The following MYH6 variants were observed in gnomAD, a reference collection of about 807,000 sequenced individuals.
The protein encoded by MYH6 is myosin heavy chain 6, also known as myosin-6.
A neutral mutation model predicts 223.2 loss-of-function variants in MYH6; 126 were observed. The observed-to-expected ratio is 0.56, with a 90% CI of 0.49 to 0.65. The LOEUF is 0.65. Ranked by LOEUF, MYH6 falls within the 30% of genes least tolerant of loss-of-function variation. The pLI is 0.00. For synonymous variants in MYH6, 978 were observed against 1,010.2 expected (o/e 0.97, Z 0.61); for missense variants, 2,040 against 2,536.4 (o/e 0.80, Z 4.20).
chr14:23,387,469 G>A, intron 32 of MYH6, 60 bp downstream of exon 32: 2 of 1,607,168 alleles, frequency 1.2e-6, no homozygotes, highest in Non-Finnish European at 1.7e-6. Flanking sequence ...CCCCAGGTGA[G>A]GGAGAAGTGG....
At chr14:23,396,639 C>T (rs960638969) in intron 19 of MYH6, 55 bp downstream of exon 19, 9 of 1,613,760 alleles carry the variant, frequency 5.6e-6, no homozygotes, top group Admixed American at 1.7e-5. Flanking sequence ...CTCCTCTCTG[C>T]TCCACTCAAC....
chr14:23,405,892 A>G lies in MYH6; in HGVS notation c.202-122T>C, dbSNP rs555829471. On this transcript the variant is annotated intron_variant, in intron 3 of 38. Transcript: ENST00000405093. The surrounding 1 kb of genome is among the most constrained non-coding windows in gnomAD (Gnocchi z 4.7). The stretch of plus-strand genomic sequence containing the variant: ...TGGCCTTGCTCCCCTTGCTCTGACC[A>G]GTGCCCCGGCCCCTACCCCGATGTC... 594 of 1,267,644 alleles carry G rather than the reference A, an allele frequency of 4.7e-4. No individual in the cohort carries two copies. The highest frequency in any genetic ancestry group is 6.5e-4 in the Non-Finnish European group (566 of 876,316). 78.5% of individuals were successfully genotyped at this position (1,267,644 alleles called of 1,614,324 possible). A position where few individuals can be genotyped will look rare whatever the true frequency, so the allele number is the denominator to read the frequency against.
chr14:23,390,180 G>A lies in MYH6; in HGVS notation c.3609C>T (p.Ala1203=), dbSNP rs149369904. The part of the protein sequence containing the change: ...ALRKKHADSV[A]ELGEQIDNLQ... ...GGTTGTCGATCTGCTCGCCCAGCTC[G>A]GCCACGCTGTCGGCGTGCTTCTTGC... The change falls in exon 26 of 39, where the codon GCC becomes GCT. Residue 1203 remains alanine (A), a synonymous_variant. Transcript: ENST00000405093. The A allele has an allele frequency of 1.2e-5, 20 of 1,607,426 alleles. No individual in the cohort carries two copies. The highest frequency in any genetic ancestry group is 1.0e-4 in the Admixed American group (6 of 59,868).
intron 20 of MYH6, 147 bp from the exon 21 acceptor site, chr14:23,394,470 G>GATTA: frequency 9.0e-7 from 1 of 1,114,332 alleles, no homozygotes; most frequent in Non-Finnish European, 1.3e-6. Flanking sequence ...GGAGTTGCTT[G>GATTA]ATAAATATTT....
chr14:23,393,472 G>C lies in MYH6; in HGVS notation c.2975C>G (p.Ala992Gly). 4.3e-6 allele frequency: 7 copies of C among 1,614,146 alleles called. No homozygotes were observed. The highest frequency in any genetic ancestry group is 5.9e-6 in the Non-Finnish European group (7 of 1,180,032). ...EEMAGLDEIIAKLTKEKKALQ... is the reference protein window; with the variant it reads ...EEMAGLDEIIGKLTKEKKALQ... ...AGCTTTCTTCTCCTTGGTCAGCTTA[G>C]CGATGATTTCATCCAGCCCAGCCAT... is the stretch of plus-strand genomic sequence containing the variant. Residue 992 changes from alanine (A) to glycine (G), a missense_variant, in exon 23 of 39, where the codon GCT (alanine) becomes GGT (glycine). Ala to Gly is a moderately conservative substitution (Grantham distance 60). Transcript: ENST00000405093.
chr14:23,403,125 G>T (rs1172535500), intron 10 of MYH6, among the ~76,000 whole-genome samples: 1 of 151,972 alleles, frequency 6.6e-6, no homozygotes, highest in Admixed American at 6.5e-5. Context: ...TGGAGAGAAG[G>T]GTGGAGAAGG....
rs2138612268 is a variant in MYH6 at position 23,400,739 on chromosome 14, G to A, written c.1380C>T (p.Val460=). ...TKQPRQYFIG[V]LDIAGFEIFD... is the part of the protein sequence containing the mutation. ...AGATCTCGAAGCCAGCGATGTCCAG[G>A]ACTCCTATGAAGTACTGGCGTGGCT... Residue 460 remains valine (V), a synonymous_variant, in exon 13 of 39, where the codon GTC becomes GTT. Transcript: ENST00000405093. 2 of 1,614,256 alleles carry A rather than the reference G, an allele frequency of 1.2e-6. No individual in the cohort carries two copies. The highest frequency in any genetic ancestry group is 1.1e-5 in the South Asian group (1 of 91,086).
Position 23,405,424 on chromosome 14 carries a change from C to G in MYH6, c.346-45G>C, listed in dbSNP as rs1231294920. ...TGGGCATGAGGTTGGTGGGGAGAGCCTGGGACAGGCAGTGGTGGCAGCCAG... is the reference window on the plus strand; with the variant it reads ...TGGGCATGAGGTTGGTGGGGAGAGCGTGGGACAGGCAGTGGTGGCAGCCAG... On this transcript the variant is annotated intron_variant, in intron 4 of 38. Transcript: ENST00000405093. This position sits in a 1 kb window ranked among gnomAD's most constrained non-coding sequence, Gnocchi z 4.7. 6.2e-7 allele frequency: 1 copy of G among 1,613,730 alleles called. No individual in the cohort carries two copies. Among genetic ancestry groups the G allele is most frequent in the Non-Finnish European group, 8.5e-7 (1 of 1,179,698 alleles).
At chr14:23,397,967 C>CTAT (rs1566512588) in intron 15 of MYH6, among the ~76,000 whole-genome samples, 3 of 118,518 alleles carry the variant, frequency 2.5e-5, no homozygotes, top group Non-Finnish European at 5.4e-5. Flanking sequence ...TCTTCTTCTT[C>CTAT]TTCTTCTTCT....
intron 14 of MYH6, 147 bp downstream of exon 14, chr14:23,400,109 C>A (rs1006187111): frequency 2.4e-6 from 3 of 1,236,786 alleles, no homozygotes; most frequent in Non-Finnish European, 3.5e-6. Context: ...CCTGTTCATG[C>A]CCATGACTTC....
intron 34 of MYH6, 110 bp from the exon 35 acceptor site, chr14:23,385,151 A>C: frequency 4.4e-6 from 6 of 1,376,478 alleles, no homozygotes; most frequent in Non-Finnish European, 6.1e-6. Context: ...TTAAAACAAC[A>C]AGCCCACTTT....
rs1450088688 is a variant in MYH6, at chr14:23,405,583, CCACGCAGCACAGGAA to C, written c.345+29_345+43del. ...GAGCCCCCCTGGCTTATTTAGGCCTCCACGCAGCACAGGAAGCCTCTGCAGTGTGCAGGAGCCACT... is the reference window on the plus strand; with the variant it reads ...GAGCCCCCCTGGCTTATTTAGGCCTCGCCTCTGCAGTGTGCAGGAGCCACT... On this transcript the variant is annotated intron_variant, in intron 4 of 38. Transcript: ENST00000405093. This position sits in a 1 kb window ranked among gnomAD's most constrained non-coding sequence, Gnocchi z 4.7. 6.2e-7 allele frequency: 1 copy of C among 1,613,746 alleles called. No homozygotes were observed. The highest frequency in any genetic ancestry group is 2.2e-5 in the East Asian group (1 of 44,858).
rs775500798 is a variant in MYH6, at chr14:23,404,770, A to G, written c.583T>C (p.Phe195Leu). ...TVNTKRVIQY[F>L]ASIAAIGDRG... is the part of the protein sequence containing the mutation. ...TCACCTATGGCTGCAATGCTGGCAA[A>G]GTACTGGATGACACGCTTGGTGTTC... The change falls in exon 7 of 39, where the codon TTT becomes CTT. Residue 195 changes from phenylalanine (F) to leucine (L), a missense_variant. By Grantham distance (22) the Phe-to-Leu change is conservative. This residue lies in a region of MYH6 where 649 missense variants were observed against 877.3 expected (regional missense o/e 0.74). Transcript: ENST00000405093. 1 of 1,614,130 alleles carries G rather than the reference A, an allele frequency of 6.2e-7. No homozygotes were observed. The highest frequency in any genetic ancestry group is 1.7e-5 in the Admixed American group (1 of 60,024).
intron 15 of MYH6, among the ~76,000 whole-genome samples, chr14:23,397,955 C>CTTT (rs1891465897): frequency 4.1e-5 from 4 of 96,890 alleles, no homozygotes; most frequent in Admixed American, 1.1e-4. Context: ...TCTTCTTCTT[C>CTTT]TTCTTCTTCT....
chr14:23,397,932 C>CTCTCCTTCTTCTTCTTCTTCTTTT (rs1891452433), intron 15 of MYH6, among the ~76,000 whole-genome samples: 2 of 90,142 alleles, frequency 2.2e-5, no homozygotes, highest in Non-Finnish European at 4.6e-5. Context: ...CCTCCTCCTC[C>CTCTCCTTCTTCTTCTTCTTCTTTT]TCTTCTTCTT....
chr14:23,382,547 T>C lies in MYH6; in HGVS notation c.5677A>G (p.Thr1893Ala), dbSNP rs1186462290. 2 of 1,614,172 alleles carry C rather than the reference T, an allele frequency of 1.2e-6. No individual in the cohort carries two copies. Among genetic ancestry groups the C allele is most frequent in the Admixed American group, 3.3e-5 (2 of 60,016 alleles). ...QAEEAEEQAN[T>A]NLSKFRKVQH... ...ACCTTGCGGAACTTGGACAGGTTGG[T>C]GTTGGCTTGCTCCTCCTGTGGTGGG... The change falls in exon 38 of 39, where the codon ACC becomes GCC. Residue 1893 changes from threonine to alanine, a missense_variant. Around this residue, in one of 4 missense-constraint regions of MYH6, gnomAD observed 1,203 missense variants for 1,400.2 expected, o/e 0.86. Coordinates refer to ENST00000405093, the MANE Select transcript of MYH6 (RefSeq NM_002471.4).
In MYH6 at chr14:23,384,601, G is replaced by A. The variant is rs1363465884; in HGVS notation, c.5406C>T (p.Ala1802=). Residue 1802 remains alanine (A), a synonymous_variant, in exon 36 of 39, where the codon GCC becomes GCT. Transcript: ENST00000405093. The part of the protein sequence containing the change: ...IKDLQHRLDE[A]EQIALKGGKK... ...TGCCTCCCTTGAGGGCGATCTGCTC[G>A]GCCTCGTCCAGCCGGTGCTGCAGGT... 8 of 1,613,686 alleles carry A rather than the reference G, an allele frequency of 5.0e-6. No individual in the cohort carries two copies. Among genetic ancestry groups the A allele is most frequent in the Non-Finnish European group, 6.8e-6 (8 of 1,180,044 alleles).
rs1171718783 is a variant in MYH6, at chr14:23,387,571, C to T, written c.4608G>A (p.Glu1536=). 6.2e-7 allele frequency: 1 copy of T among 1,614,122 alleles called. No individual in the cohort carries two copies. The highest frequency in any genetic ancestry group is 2.2e-5 in the East Asian group (1 of 44,880). Residue 1536 remains glutamate, a synonymous_variant, in exon 32 of 39, where the codon GAG becomes GAA. Coordinates refer to ENST00000405093, the MANE Select transcript of MYH6 (RefSeq NM_002471.4). ...CTGACTGCAGCTCCAGCTTCTCCAC[C>T]TCCAGCTGTTTGCGGACCTTCTCCA... ...HELEKVRKQL[E]VEKLELQSAL...
Position 23,385,063 on chromosome 14 carries a change from T to C in MYH6, c.5164-22A>G, listed in dbSNP as rs178637. The C allele has an allele frequency of 0.081, 130,406 of 1,613,572 alleles. 5,824 individuals carry two copies. The highest frequency in any genetic ancestry group is 0.083 in the East Asian group (3,702 of 44,830). On this transcript the variant is annotated intron_variant, in intron 34 of 38. Coordinates refer to ENST00000405093, the MANE Select transcript of MYH6 (RefSeq NM_002471.4). ...TGTTCTAGACATGGAGAGAGAAAAA[T>C]GATCAAATATATACTACACTTTGTT...
Sources: gnomAD v4.1 joint callset for allele counts (sites outside exome capture counted in the v4.1 genomes callset) on GRCh38, gnomAD v4.1.1 for gene constraint, gnomAD v4.1.1 regional missense constraint, Gnocchi (gnomAD v3.1) non-coding constraint, MANE v1.5 for transcripts, NCBI Gene and HGNC (gene_info 2026-07-23, HGNC 2026-07-21) for gene names.